The following VPS54 variants were observed in gnomAD, a reference collection of about 807,000 sequenced individuals.
VPS54 encodes vacuolar protein sorting-associated protein 54.
In VPS54, 45 loss-of-function variants were observed where a neutral mutation model predicts 121.5. The ratio of observed to expected loss-of-function variants is 0.37; its 90% CI spans 0.29 to 0.47. The LOEUF (loss-of-function observed/expected upper bound fraction) is 0.47, where lower values mean the gene tolerates loss of function less well. Ranked by LOEUF, VPS54 falls within the 20% of genes least tolerant of loss-of-function variation. VPS54 has a pLI of 0.99. For missense variants in VPS54, 1,090 were observed against 1,131.4 expected, an observed-to-expected ratio of 0.96 and a Z score of 0.52; for synonymous variants, 371 against 385.8, an observed-to-expected ratio of 0.96 and a Z score of 0.45.
At chr2:63,993,887 A>G (rs1677451177) in intron 1 of VPS54, among the ~76,000 whole-genome samples, 1 of 152,050 alleles carries the variant, frequency 6.6e-6, no homozygotes, top group South Asian at 2.1e-4. Context: ...TACCCCTTAT[A>G]CCTCTGCTCA....
In VPS54 at chr2:63,947,014, AAC is replaced by A. The variant is rs575190447; in HGVS notation, c.1245+367_1245+368del. On this transcript the variant is annotated intron_variant, in intron 9 of 22. Transcript: ENST00000272322. Reference sequence around the variant, plus strand: ...TAAATTATAAACAACCTAAATATTCAACACAGAGGAAAAGTTAAGTAGATTTA... The same window carrying A: ...TAAATTATAAACAACCTAAATATTCAACAGAGGAAAAGTTAAGTAGATTTA... Among the ~76,000 whole-genome samples the A allele has an allele frequency of 1.6e-4, 24 of 152,080 alleles. No homozygotes were observed. In the South Asian group the frequency reaches 4.8e-3, roughly 30 times the overall value.
chr2:63,952,788 A>G (rs964395592), intron 7 of VPS54, among the ~76,000 whole-genome samples: 9 of 152,224 alleles, frequency 5.9e-5, no homozygotes, highest in Non-Finnish European at 7.3e-5. Context: ...CATTGTCACA[A>G]GAGGAATTTG....
rs180708697 is a variant in VPS54, at chr2:64,010,737, G to A, written c.-21+8201C>T. 2.0e-4 allele frequency among the ~76,000 whole-genome samples: 31 copies of A among 151,662 alleles called. No homozygotes were observed. In the East Asian group the frequency reaches 3.5e-3, roughly 17 times the overall value. ...AAATCTTTAAATTTTTTTAAAATGC[G>A]TATCACATATTATTGCTCACAAAAA... On this transcript the variant is annotated intron_variant, in intron 1 of 22. Transcript: ENST00000272322.
chr2:64,008,728 G>A (rs770847859), intron 1 of VPS54, among the ~76,000 whole-genome samples: 1 of 152,090 alleles, frequency 6.6e-6, no homozygotes, highest in East Asian at 1.9e-4. Flanking sequence ...TCTGTGAAGC[G>A]CTAGATCAAG....
rs1480051858 is a variant in VPS54 at position 63,892,858 on chromosome 2, G to T, written c.*572C>A. 1 of 152,968 alleles carries T rather than the reference G, an allele frequency of 6.5e-6. No homozygotes were observed. Among genetic ancestry groups the T allele is most frequent in the African/African-American group, 2.4e-5 (1 of 41,430 alleles). The allele number at this position is 152,968 out of a possible 1,614,324, so 9.5% of individuals were successfully genotyped here. ...ATTAAATATGCAACACACAAAGCCT[G>T]CAACTTGACATTGGTCACTGAAACA... On this transcript the variant is annotated 3_prime_UTR_variant, in exon 23 of 23. Coordinates refer to ENST00000272322, the MANE Select transcript of VPS54 (RefSeq NM_016516.3).
intron 16 of VPS54, among the ~76,000 whole-genome samples, chr2:63,915,339 A>AAT (rs1224111385): frequency 6.6e-6 from 1 of 152,106 alleles, no homozygotes; most frequent in African/African-American, 2.4e-5. Context: ...ATCTACGTAA[A>AAT]ATAAGGATTT....
chr2:63,912,340 AT>A lies in VPS54; in HGVS notation c.2625+4del. 6.2e-7 allele frequency: 1 copy of A among 1,600,702 alleles called. No individual in the cohort carries two copies. Among genetic ancestry groups the A allele is most frequent in the Admixed American group, 1.7e-5 (1 of 58,432 alleles). Reference sequence around the variant, plus strand: ...CAAAGTCTAATAATTTCTATAAATCATTACCTTAGATAACAGCTTGTCAAAT... The same window carrying A: ...CAAAGTCTAATAATTTCTATAAATCATACCTTAGATAACAGCTTGTCAAAT... On this transcript the variant is annotated splice_donor_region_variant and intron_variant, in intron 20 of 22. Transcript: ENST00000272322.
At chr2:64,012,170 C>T (rs1016096240) in intron 1 of VPS54, among the ~76,000 whole-genome samples, 21 of 152,078 alleles carry the variant, frequency 1.4e-4, no homozygotes, top group African/African-American at 4.8e-4. Context: ...ATCCCCATTA[C>T]TTCATCTCCC....
At chr2:63,996,054 G>C (rs1488206117) in intron 1 of VPS54, among the ~76,000 whole-genome samples, 1 of 152,100 alleles carries the variant, frequency 6.6e-6, no homozygotes, top group Non-Finnish European at 1.5e-5. Context: ...TGCTGGACCA[G>C]TCAAAGAATC....
chr2:63,905,510 G>A (rs1045709687), intron 20 of VPS54, among the ~76,000 whole-genome samples: 1 of 149,042 alleles, frequency 6.7e-6, no homozygotes, highest in Non-Finnish European at 1.5e-5. Flanking sequence ...AGTTCTATAT[G>A]TATTTTTTTT....
chr2:63,919,317 G>A (rs1364588173), intron 15 of VPS54, among the ~76,000 whole-genome samples: 1 of 151,864 alleles, frequency 6.6e-6, no homozygotes, highest in African/African-American at 2.4e-5. Flanking sequence ...TCGCTATCAT[G>A]TAACTACATT....
At chr2:64,010,306 ACTG>A (rs143047669) in intron 1 of VPS54, among the ~76,000 whole-genome samples, 1,878 of 152,294 alleles carry the variant, frequency 0.012, 16 homozygotes, top group Non-Finnish European at 0.015. Flanking sequence ...TCCACAACTG[ACTG>A]CTGTTTTTTT....
chr2:63,971,288 T>C (rs187744764), intron 4 of VPS54, among the ~76,000 whole-genome samples: 7 of 152,358 alleles, frequency 4.6e-5, no homozygotes, highest in Admixed American at 3.3e-4. Flanking sequence ...AGTCTAATCA[T>C]CATCCCATAA....
chr2:64,010,522 G>T (rs1678380679), intron 1 of VPS54, among the ~76,000 whole-genome samples: 1 of 152,044 alleles, frequency 6.6e-6, no homozygotes, highest in Non-Finnish European at 1.5e-5. Flanking sequence ...TCCTTCAGTT[G>T]GTTTCTTGCT....
chr2:63,943,926 C>G (rs1254200595), intron 10 of VPS54, among the ~76,000 whole-genome samples: 1 of 151,396 alleles, frequency 6.6e-6, no homozygotes, highest in African/African-American at 2.4e-5. Flanking sequence ...GAGATGGGGT[C>G]TCACTTTATT....
chr2:63,936,410 T>C (rs995625859), intron 11 of VPS54, among the ~76,000 whole-genome samples: 3 of 152,300 alleles, frequency 2.0e-5, no homozygotes, highest in Non-Finnish European at 4.4e-5. Flanking sequence ...ACACAGTCTA[T>C]AGACAAGTTC....
intron 9 of VPS54, among the ~76,000 whole-genome samples, chr2:63,947,057 G>A (rs1675011017): frequency 6.6e-6 from 1 of 151,656 alleles, no homozygotes; most frequent in African/African-American, 2.4e-5. Context: ...ATGTTAATGG[G>A]ACTTTACACA....
chr2:63,963,862 G>T (rs564537287), intron 6 of VPS54, among the ~76,000 whole-genome samples: 2 of 152,250 alleles, frequency 1.3e-5, no homozygotes, highest in African/African-American at 4.8e-5. Flanking sequence ...TGATTTATAT[G>T]CTGCTGCCAA....
intron 12 of VPS54, among the ~76,000 whole-genome samples, chr2:63,929,659 T>A (rs1363167147): frequency 7.6e-5 from 11 of 144,018 alleles, no homozygotes; most frequent in Non-Finnish European, 1.4e-4. Context: ...AAGAAATAAC[T>A]AAGATCAGAG....
Sources: gnomAD v4.1 joint callset for allele counts (sites outside exome capture counted in the v4.1 genomes callset) on GRCh38, gnomAD v4.1.1 for gene constraint, MANE v1.5 for transcripts, NCBI Gene and HGNC (gene_info 2026-07-23, HGNC 2026-07-21) for gene names.